Variants in FANCB observed in about 807,000 individuals in gnomAD.
The protein encoded by FANCB is Fanconi anemia group B protein.
Under a neutral mutation model 38.9 loss-of-function variants are expected in FANCB, and 5 were observed. The ratio of observed to expected loss-of-function variants is 0.13; its 90% confidence interval spans 0.07 to 0.27. The LOEUF (loss-of-function observed/expected upper bound fraction) is 0.27, where lower values mean the gene tolerates loss of function less well. Ranked by LOEUF, FANCB falls within the 10% of genes least tolerant of loss-of-function variation. The probability of loss-of-function intolerance (pLI) is 1.00; values close to 1 mark genes in which losing one functional copy is unlikely to be tolerated. For missense variants in FANCB, 573 were observed against 602.7 expected (o/e 0.95, Z 0.52); for synonymous variants, 236 against 215.4 (o/e 1.10, Z -0.84).
the FANCB span, among the ~76,000 whole-genome samples, chrX:14,750,643 G>T: frequency 9.0e-6 from 1 of 110,687 alleles, no homozygotes; most frequent in African/African-American, 3.3e-5. Flanking sequence ...AAGTCTCTGG[G>T]GGACAGGAAA....
chrX:14,830,815 C>T, the FANCB span, among the ~76,000 whole-genome samples: 1 of 112,152 alleles, frequency 8.9e-6, no homozygotes, highest in African/African-American at 3.2e-5. Context: ...CATACCTTTC[C>T]ACTAGTGTGT....
the FANCB span, among the ~76,000 whole-genome samples, chrX:14,717,787 A>G: frequency 9.1e-6 from 1 of 110,305 alleles, no homozygotes; most frequent in Admixed American, 9.7e-5. Context: ...GGATTTATCA[A>G]GAATTTTTTG....
chrX:14,808,763 G>A, the FANCB span, among the ~76,000 whole-genome samples: 1 of 112,304 alleles, frequency 8.9e-6, no homozygotes, highest in Admixed American at 9.4e-5. Flanking sequence ...TAGAAAGGAA[G>A]AAGTCAAATT....
chrX:14,859,279 C>A lies in FANCB; in HGVS notation c.1007G>T (p.Ser336Ile). Reference protein sequence around the residue: ...SLVLIDDFIGSGTEQVLLLFK... With the variant: ...SLVLIDDFIGIGTEQVLLLFK... ...AAGTAGGAGTACTTGTTCAGTTCCACTTCCAATAAAGTCATCTATCAGTAC... is the reference window on the plus strand; with the variant it reads ...AAGTAGGAGTACTTGTTCAGTTCCAATTCCAATAAAGTCATCTATCAGTAC... Residue 336 changes from serine (S) to isoleucine (I), a missense_variant, in exon 4 of 10, where the codon AGT becomes ATT. Ser to Ile is a moderately radical substitution (Grantham distance 142). Transcript: ENST00000650831. 1 of 1,188,434 alleles carries A rather than the reference C, an allele frequency of 8.4e-7. No homozygotes were observed. The highest frequency in any genetic ancestry group is 1.8e-5 in the South Asian group (1 of 56,304).
the FANCB span, among the ~76,000 whole-genome samples, chrX:14,715,490 C>T: frequency 3.6e-5 from 4 of 111,684 alleles, no homozygotes; most frequent in East Asian, 1.1e-3. Flanking sequence ...CGGGCCCCTG[C>T]ACTTGAAAGT....
chrX:14,771,433 A>C, the FANCB span, among the ~76,000 whole-genome samples: 1 of 111,145 alleles, frequency 9.0e-6, no homozygotes, highest in African/African-American at 3.3e-5. Context: ...TCTGCTATGG[A>C]TACTTATGAT....
the FANCB span, among the ~76,000 whole-genome samples, chrX:14,772,094 A>G: frequency 9.0e-6 from 1 of 110,826 alleles, no homozygotes; most frequent in East Asian, 2.8e-4. Flanking sequence ...GGGATCAAGG[A>G]CCTACCCAAA....
chrX:14,763,796 C>T, the FANCB span, among the ~76,000 whole-genome samples: 1 of 111,796 alleles, frequency 8.9e-6, no homozygotes, highest in African/African-American at 3.3e-5. Flanking sequence ...GCTCATCATG[C>T]TGTGTGTTCA....
chrX:14,712,615 T>C, the FANCB span, among the ~76,000 whole-genome samples: 1 of 106,119 alleles, frequency 9.4e-6, no homozygotes, highest in African/African-American at 3.5e-5. Context: ...GACAAAGACA[T>C]TAAAAGTAGT....
chrX:14,755,981 ACT>A, the FANCB span, among the ~76,000 whole-genome samples: 8 of 111,801 alleles, frequency 7.2e-5, no homozygotes, highest in Non-Finnish European at 1.3e-4. Context: ...AGAAAAGAAA[ACT>A]CAGAATATAA....
intron 4 of FANCB, among the ~76,000 whole-genome samples, chrX:14,858,257 T>C (rs972335529): frequency 2.7e-5 from 3 of 109,870 alleles, no homozygotes; most frequent in African/African-American, 9.9e-5. Context: ...TAGCCAGGCA[T>C]AGTGGCGCGC....
the FANCB span, among the ~76,000 whole-genome samples, chrX:14,759,492 A>G: frequency 8.9e-6 from 1 of 111,976 alleles, no homozygotes; most frequent in Non-Finnish European, 1.9e-5. Flanking sequence ...CAACCTATAA[A>G]GGAAAACCTA....
the FANCB span, among the ~76,000 whole-genome samples, chrX:14,761,551 G>A: frequency 9.0e-6 from 1 of 110,852 alleles, no homozygotes; most frequent in African/African-American, 3.3e-5. Context: ...GGAACATAAC[G>A]CTGGTAGAAG....
chrX:14,855,352 C>T (rs1185260822), intron 5 of FANCB, among the ~76,000 whole-genome samples: 1 of 112,077 alleles, frequency 8.9e-6, no homozygotes, highest in East Asian at 2.8e-4. Context: ...TCTAAAAGGC[C>T]TTCCAGCATT....
the FANCB span, among the ~76,000 whole-genome samples, chrX:14,740,015 C>T: frequency 9.0e-6 from 1 of 111,419 alleles, no homozygotes; most frequent in Non-Finnish European, 1.9e-5. Context: ...CCCAGGGCTG[C>T]TCATGGAACA....
At chrX:14,745,051 C>T in the FANCB span, among the ~76,000 whole-genome samples, 2 of 111,685 alleles carry the variant, frequency 1.8e-5, no homozygotes, top group African/African-American at 6.5e-5. Context: ...TGTGGCTGCA[C>T]GAACAGGAAG....
At chrX:14,742,788 GACA>G in the FANCB span, among the ~76,000 whole-genome samples, 2 of 112,427 alleles carry the variant, frequency 1.8e-5, no homozygotes, top group Admixed American at 1.9e-4. Flanking sequence ...AGCAAACGGT[GACA>G]ACAGGGTTTT....
chrX:14,750,544 CT>C, the FANCB span, among the ~76,000 whole-genome samples: 1 of 111,333 alleles, frequency 9.0e-6, no homozygotes, highest in Non-Finnish European at 1.9e-5. Flanking sequence ...GTGGTGAGAA[CT>C]TTTTATACAT....
At chrX:14,721,744 C>G in the FANCB span, among the ~76,000 whole-genome samples, 1 of 111,555 alleles carries the variant, frequency 9.0e-6, no homozygotes, top group Admixed American at 9.6e-5. Flanking sequence ...TACATTTCCT[C>G]CAACTTCTAC....
Sources: allele counts gnomAD v4.1 joint callset (sites outside exome capture counted in the v4.1 genomes callset), GRCh38; gene constraint gnomAD v4.1.1; transcripts MANE v1.5; gene names NCBI Gene and HGNC (gene_info 2026-07-23, HGNC 2026-07-21).